Variants in RGS8 observed in about 807,000 individuals in gnomAD.
The protein encoded by RGS8 is regulator of G-protein signaling 8.
RGS8 carries 8 observed loss-of-function variants against 21.7 expected under a neutral mutation model. The observed-to-expected ratio is 0.37, with a 90% CI of 0.22 to 0.66. The LOEUF (loss-of-function observed/expected upper bound fraction) is 0.66, where lower values mean the gene tolerates loss of function less well. Among genes scored for constraint, RGS8 ranks in the 30% least tolerant of loss-of-function variants. The pLI, the probability that RGS8 is intolerant of heterozygous loss-of-function variation, is 0.59. For synonymous variants in RGS8, 80 were observed against 83.6 expected (o/e 0.96, Z 0.24); for missense variants, 157 against 217.9 (o/e 0.72, Z 1.76).
the RGS8 span, among the ~76,000 whole-genome samples, chr1:182,735,219 T>C: frequency 9.2e-5 from 14 of 152,210 alleles, no homozygotes; most frequent in Non-Finnish European, 1.8e-4. Flanking sequence ...TTTAATGTAT[T>C]GTCTGCTGAA....
chr1:182,685,217 GTGGTGGT>G (rs1664673321), upstream of RGS8, among the ~76,000 whole-genome samples: 1 of 152,214 alleles, frequency 6.6e-6, no homozygotes, highest in African/African-American at 2.4e-5. Flanking sequence ...TGGCCAGAGG[GTGGTGGT>G]GGCAAGAACA....
At chr1:182,658,065 A>G (rs1203582401) in intron 5 of RGS8, among the ~76,000 whole-genome samples, 1 of 152,236 alleles carries the variant, frequency 6.6e-6, no homozygotes, top group Non-Finnish European at 1.5e-5. Flanking sequence ...TTTGAGATTG[A>G]TACACATCTA....
chr1:182,750,904 A>G, the RGS8 span, among the ~76,000 whole-genome samples: 1 of 152,242 alleles, frequency 6.6e-6, no homozygotes, highest in East Asian at 1.9e-4. Context: ...CTCACTTTAT[A>G]TGAGATATGC....
chr1:182,708,755 C>T, the RGS8 span, among the ~76,000 whole-genome samples: 1 of 152,206 alleles, frequency 6.6e-6, no homozygotes, highest in Non-Finnish European at 1.5e-5. Context: ...AATCAGAGCT[C>T]AAGGCTCCTG....
At chr1:182,708,098 T>G in the RGS8 span, among the ~76,000 whole-genome samples, 1 of 152,148 alleles carries the variant, frequency 6.6e-6, no homozygotes, top group Non-Finnish European at 1.5e-5. Flanking sequence ...GGTTAAGTAA[T>G]AGGCCACAGT....
the RGS8 span, among the ~76,000 whole-genome samples, chr1:182,735,209 T>C: frequency 5.9e-5 from 9 of 152,224 alleles, no homozygotes; most frequent in Non-Finnish European, 1.2e-4. Context: ...AAAGCACTTA[T>C]TTAATGTATT....
the RGS8 span, among the ~76,000 whole-genome samples, chr1:182,727,658 T>G: frequency 6.6e-6 from 1 of 152,148 alleles, no homozygotes; most frequent in African/African-American, 2.4e-5. Context: ...ATTAGAATTA[T>G]GTCATCTATT....
the RGS8 span, among the ~76,000 whole-genome samples, chr1:182,716,851 A>C: frequency 6.6e-6 from 1 of 152,180 alleles, no homozygotes; most frequent in Admixed American, 6.5e-5. Flanking sequence ...GAGAATGATC[A>C]CAATTTAGTG....
chr1:182,742,726 G>A, the RGS8 span, among the ~76,000 whole-genome samples: 15 of 151,934 alleles, frequency 9.9e-5, no homozygotes, highest in South Asian at 4.2e-4. Flanking sequence ...GAGGGAGACC[G>A]TGGAAAGAGA....
chr1:182,697,591 A>C, the RGS8 span, among the ~76,000 whole-genome samples: 1 of 152,252 alleles, frequency 6.6e-6, no homozygotes, highest in Non-Finnish European at 1.5e-5. Flanking sequence ...GGCAGACCAC[A>C]TAAGAAGAAC....
intron 5 of RGS8, among the ~76,000 whole-genome samples, chr1:182,663,637 C>T (rs1205996457): frequency 1.3e-5 from 2 of 152,118 alleles, no homozygotes; most frequent in Non-Finnish European, 2.9e-5. Flanking sequence ...TCAGCAAAAT[C>T]CTCCTGCCTC....
At chr1:182,656,648 G>C (rs1193644857) in intron 5 of RGS8, among the ~76,000 whole-genome samples, 1 of 152,164 alleles carries the variant, frequency 6.6e-6, no homozygotes, top group Non-Finnish European at 1.5e-5. Context: ...GCATTTCCAG[G>C]GCAGGCTCAG....
the RGS8 span, among the ~76,000 whole-genome samples, chr1:182,713,508 C>T: frequency 1.1e-3 from 167 of 152,262 alleles, no homozygotes; most frequent in African/African-American, 3.3e-3. Flanking sequence ...GCAGTTGTCC[C>T]ATAGATTGCA....
chr1:182,746,859 G>T, the RGS8 span, among the ~76,000 whole-genome samples: 8 of 151,930 alleles, frequency 5.3e-5, no homozygotes, highest in Admixed American at 3.9e-4. Flanking sequence ...CTTCTTTAAA[G>T]ATAGGAAATG....
chr1:182,650,186 A>T (rs1662938828), intron 5 of RGS8, among the ~76,000 whole-genome samples: 1 of 152,186 alleles, frequency 6.6e-6, no homozygotes, highest in Admixed American at 6.5e-5. Context: ...CTGGGATTAC[A>T]GGCGTGAGCC....
the RGS8 span, among the ~76,000 whole-genome samples, chr1:182,724,479 A>G: frequency 6.6e-6 from 1 of 151,874 alleles, no homozygotes; most frequent in African/African-American, 2.4e-5. Flanking sequence ...GCAGTTCACT[A>G]TGCACAGAAA....
At chr1:182,673,964 A>C (rs1664275013), upstream of RGS8, among the ~76,000 whole-genome samples, 1 of 152,234 alleles carries the variant, frequency 6.6e-6, no homozygotes, top group Non-Finnish European at 1.5e-5. Flanking sequence ...TAATTTTCAG[A>C]ACAAATTTAC....
chr1:182,654,183 C>T (rs905516697), intron 5 of RGS8, among the ~76,000 whole-genome samples: 1 of 152,262 alleles, frequency 6.6e-6, no homozygotes. Flanking sequence ...GGCCAAGATT[C>T]CTAGCCAGGT....
At chr1:182,648,777 T>C (rs1364197723) in intron 5 of RGS8, among the ~76,000 whole-genome samples, 1 of 151,674 alleles carries the variant, frequency 6.6e-6, no homozygotes, top group South Asian at 2.1e-4. Flanking sequence ...GACACAAAAG[T>C]GTCCTCAGAG....
Sources: gnomAD v4.1 joint callset for allele counts (sites outside exome capture counted in the v4.1 genomes callset) on GRCh38, gnomAD v4.1.1 for gene constraint, MANE v1.5 for transcripts, NCBI Gene and HGNC (gene_info 2026-07-23, HGNC 2026-07-21) for gene names.